Variants in FMNL2 observed in about 807,000 individuals in gnomAD.
FMNL2 encodes the protein formin-like protein 2.
A neutral mutation model predicts 130.2 loss-of-function variants in FMNL2; 51 were observed. The ratio of observed to expected loss-of-function variants is 0.39; its 90% confidence interval spans 0.31 to 0.49. FMNL2 has a LOEUF of 0.49. Among genes scored for constraint, FMNL2 ranks in the 20% least tolerant of loss-of-function variants. FMNL2 has a pLI of 0.85. For synonymous variants in FMNL2, 465 were observed against 467.1 expected (o/e 1.00, Z 0.06); for missense variants, 977 against 1,316.2 (o/e 0.74, Z 3.99).
chr2:152,627,427 A>G (rs1681866703), intron 17 of FMNL2, among the ~76,000 whole-genome samples: 1 of 152,212 alleles, frequency 6.6e-6, no homozygotes, highest in Non-Finnish European at 1.5e-5. Context: ...GGAACTAATT[A>G]TTTATAAATT....
intron 1 of FMNL2, among the ~76,000 whole-genome samples, chr2:152,395,957 T>A (rs1420491663): frequency 6.6e-6 from 1 of 152,252 alleles, no homozygotes; most frequent in East Asian, 1.9e-4. Flanking sequence ...GTTTCATTTT[T>A]AAAATAATTC....
intron 14 of FMNL2, 69 bp from the exon 15 acceptor site, chr2:152,619,440 C>T: frequency 6.5e-7 from 1 of 1,544,416 alleles, no homozygotes; most frequent in African/African-American, 1.4e-5. Flanking sequence ...GCTTTATATG[C>T]ACATGGCTTA....
chr2:152,578,755 C>T lies in FMNL2; in HGVS notation c.706-133C>T. On this transcript the variant is annotated intron_variant, in intron 7 of 25. Coordinates refer to ENST00000288670, the MANE Select transcript of FMNL2 (RefSeq NM_052905.4). The stretch of plus-strand genomic sequence containing the variant: ...TGCTCTGACAGTGATATACTAGAGA[C>T]ATAAGTGCATTTATAATGGTGTAAG... 9.4e-6 allele frequency: 6 copies of T among 635,642 alleles called. No homozygotes were observed. In the South Asian group the frequency reaches 1.2e-4, roughly 13 times the overall value. 39.4% of individuals were successfully genotyped at this position (635,642 alleles called of 1,614,324 possible). A position where few individuals can be genotyped will look rare whatever the true frequency, so the allele number is the denominator to read the frequency against.
chr2:152,387,895 C>T (rs1459132742), intron 1 of FMNL2, among the ~76,000 whole-genome samples: 3 of 151,704 alleles, frequency 2.0e-5, no homozygotes, highest in Non-Finnish European at 2.9e-5. Flanking sequence ...CTCACACAAT[C>T]CTCTTGACTC....
rs187628041 is a variant in FMNL2, at chr2:152,626,317, A to G, written c.1963-208A>G. 6.0e-3 allele frequency among the ~76,000 whole-genome samples: 914 copies of G among 152,320 alleles called. 8 individuals are homozygous for G. Among genetic ancestry groups the G allele is most frequent in the African/African-American group, 0.021 (864 of 41,588 alleles). The stretch of plus-strand genomic sequence containing the variant: ...CTCCCAAAGTGCTGGGATTACAGGC[A>G]TAAGCCACCACATCCGACCTATGTT... On this transcript the variant is annotated intron_variant, in intron 16 of 25. Coordinates refer to ENST00000288670, the MANE Select transcript of FMNL2 (RefSeq NM_052905.4).
intron 14 of FMNL2, 79 bp downstream of exon 14, chr2:152,619,237 C>T: frequency 6.9e-7 from 1 of 1,458,856 alleles, no homozygotes; most frequent in Non-Finnish European, 9.1e-7. Flanking sequence ...CACTTCTGTC[C>T]TTTGTCCGTT....
intron 9 of FMNL2, among the ~76,000 whole-genome samples, chr2:152,584,487 C>T (rs1162501284): frequency 1.3e-5 from 2 of 152,160 alleles, no homozygotes; most frequent in Non-Finnish European, 2.9e-5. Context: ...AGTTCAACAT[C>T]TATTTTTTGC....
At chr2:152,404,989 C>T (rs1685907753) in intron 1 of FMNL2, among the ~76,000 whole-genome samples, 1 of 152,114 alleles carries the variant, frequency 6.6e-6, no homozygotes, top group Non-Finnish European at 1.5e-5. Context: ...GGGTTCTTAC[C>T]AGTCTTTGTT....
intron 1 of FMNL2, among the ~76,000 whole-genome samples, chr2:152,462,271 A>G (rs979984808): frequency 6.6e-6 from 1 of 152,304 alleles, no homozygotes; most frequent in South Asian, 2.1e-4. Context: ...TGGCTGTCGT[A>G]CTCAACTAGA....
At chr2:152,418,675 A>T (rs1686747483) in intron 1 of FMNL2, among the ~76,000 whole-genome samples, 1 of 152,212 alleles carries the variant, frequency 6.6e-6, no homozygotes. Flanking sequence ...CATTGCATGG[A>T]TAGAAACCTC....
At chr2:152,644,889 T>TAATA (rs1683409310) in intron 25 of FMNL2, among the ~76,000 whole-genome samples, 1 of 152,198 alleles carries the variant, frequency 6.6e-6, no homozygotes, top group African/African-American at 2.4e-5. Flanking sequence ...TTTTGATGCC[T>TAATA]AATAAGAAAC....
chr2:152,503,755 G>A (rs1196357736), intron 1 of FMNL2, among the ~76,000 whole-genome samples: 5 of 152,184 alleles, frequency 3.3e-5, no homozygotes, highest in Non-Finnish European at 7.3e-5. Flanking sequence ...GCTGATGGGA[G>A]TTCTTTACTA....
intron 1 of FMNL2, among the ~76,000 whole-genome samples, chr2:152,485,187 T>C (rs1174647908): frequency 6.6e-6 from 1 of 152,112 alleles, no homozygotes; most frequent in Non-Finnish European, 1.5e-5. Flanking sequence ...GTCTACAAAA[T>C]AATGTTAAAA....
chr2:152,551,039 T>A (rs2346184), intron 4 of FMNL2, among the ~76,000 whole-genome samples: 1 of 150,350 alleles, frequency 6.7e-6, no homozygotes, highest in Non-Finnish European at 1.5e-5. Context: ...CTTGGGAGGC[T>A]GAGGCAGGAG....
intron 1 of FMNL2, among the ~76,000 whole-genome samples, chr2:152,410,179 C>T (rs1686204739): frequency 2.0e-5 from 3 of 152,082 alleles, no homozygotes; most frequent in South Asian, 2.1e-4. Context: ...TGCTTGCTGT[C>T]GATATGGAGC....
intron 1 of FMNL2, among the ~76,000 whole-genome samples, chr2:152,423,689 G>A (rs1329223450): frequency 6.6e-6 from 1 of 152,128 alleles, no homozygotes; most frequent in Non-Finnish European, 1.5e-5. Context: ...GTATCATAGG[G>A]AGCAAAACAT....
intron 22 of FMNL2, 57 bp downstream of exon 22, chr2:152,636,647 T>C (rs1161499374): frequency 6.6e-7 from 1 of 1,523,740 alleles, no homozygotes. Context: ...AAGCTGCCTG[T>C]GGTGCAGGCC....
intron 2 of FMNL2, among the ~76,000 whole-genome samples, chr2:152,540,804 C>T (rs1337384328): frequency 2.0e-5 from 3 of 151,970 alleles, no homozygotes; most frequent in African/African-American, 4.8e-5. Flanking sequence ...AACTAACCTG[C>T]ACAATGTGCA....
chr2:152,486,501 G>T (rs938757972), intron 1 of FMNL2, among the ~76,000 whole-genome samples: 1 of 152,170 alleles, frequency 6.6e-6, no homozygotes, highest in Non-Finnish European at 1.5e-5. Context: ...ACAGTTTCTG[G>T]TTGAATTTTC....
Sources: gnomAD v4.1 joint callset for allele counts (sites outside exome capture counted in the v4.1 genomes callset) on GRCh38, gnomAD v4.1.1 for gene constraint, MANE v1.5 for transcripts, NCBI Gene and HGNC (gene_info 2026-07-23, HGNC 2026-07-21) for gene names.